The following NR2C2 variants were observed in gnomAD, a reference collection of about 807,000 sequenced individuals.
NR2C2 encodes nuclear receptor subfamily 2 group C member 2.
Under a neutral mutation model 62.9 loss-of-function variants are expected in NR2C2, and 6 were observed. The ratio of observed to expected loss-of-function variants is 0.10; its 90% confidence interval spans 0.05 to 0.19. The LOEUF is 0.19. NR2C2 is among the 10% of genes least tolerant of loss of function. The pLI, the probability that NR2C2 is intolerant of heterozygous loss-of-function variation, is 1.00. For missense variants in NR2C2, 479 were observed against 762.7 expected, an observed-to-expected ratio of 0.63 and a Z score of 4.38; for synonymous variants, 272 against 273.8, an observed-to-expected ratio of 0.99 and a Z score of 0.07.
chr3:14,990,184 C>G (rs947422770), intron 1 of NR2C2, among the ~76,000 whole-genome samples: 4 of 152,150 alleles, frequency 2.6e-5, no homozygotes, highest in Admixed American at 6.5e-5. Context: ...TTTCTGGGCT[C>G]TCCAGGTCTT....
intron 1 of NR2C2, chr3:14,948,583 G>C (rs2039224247): frequency 6.6e-6 from 1 of 151,824 alleles, no homozygotes; most frequent in Admixed American, 6.6e-5. Context: ...AGTGGGGCCG[G>C]GTCGGCGGGG....
chr3:15,012,219 A>C (rs2041375154), intron 2 of NR2C2, among the ~76,000 whole-genome samples: 1 of 150,736 alleles, frequency 6.6e-6, no homozygotes. Context: ...CTCAACCTTG[A>C]AGTTCCATTT....
At chr3:15,017,820 C>T (rs1227485936) in intron 4 of NR2C2, among the ~76,000 whole-genome samples, 1 of 152,212 alleles carries the variant, frequency 6.6e-6, no homozygotes, top group Non-Finnish European at 1.5e-5. Flanking sequence ...GTGGGATTCT[C>T]TGTAGCCACC....
intron 5 of NR2C2, among the ~76,000 whole-genome samples, chr3:15,021,847 C>T (rs750087113): frequency 6.6e-6 from 1 of 152,188 alleles, no homozygotes; most frequent in African/African-American, 2.4e-5. Flanking sequence ...ACAAAATTCA[C>T]TGGAGAATAA....
rs371981775 is a variant in NR2C2 at position 15,002,645 on chromosome 3, C to CTTTTTT, written c.-39-1206_-39-1201dup. ...TTTTTTGTGAAGTGTTCACAATATA[C>CTTTTTT]TTTTTTTTTTTTTTTTTTTTTTTTT... On this transcript the variant is annotated intron_variant, in intron 1 of 13. Transcript: ENST00000425241. 1.3e-3 allele frequency among the ~76,000 whole-genome samples: 51 copies of CTTTTTT among 39,506 alleles called. 13 individuals carry two copies. The highest frequency in any genetic ancestry group is 3.0e-3 in the African/African-American group (35 of 11,630). The allele number at this position is 39,506 out of a possible 152,430, so 25.9% of individuals were successfully genotyped here. A position where few individuals can be genotyped will look rare whatever the true frequency, so the allele number is the denominator to read the frequency against.
intron 1 of NR2C2, chr3:14,948,737 C>T (rs2039236892): frequency 6.6e-6 from 1 of 152,254 alleles, no homozygotes. Flanking sequence ...GGTGATGAAG[C>T]ATTTCGAGTC....
intron 12 of NR2C2, chr3:15,038,816 T>G: frequency 3.9e-6 from 1 of 254,832 alleles, no homozygotes; most frequent in Non-Finnish European, 7.5e-6. Flanking sequence ...TGTAATTTTA[T>G]GTGATAGTTT....
chr3:15,012,972 TGTC>T (rs2041396520), intron 2 of NR2C2, among the ~76,000 whole-genome samples: 1 of 152,140 alleles, frequency 6.6e-6, no homozygotes, highest in Non-Finnish European at 1.5e-5. Flanking sequence ...GATCTTTTAT[TGTC>T]GTCTCTCTAT....
intron 13 of NR2C2, among the ~76,000 whole-genome samples, chr3:15,041,459 A>G (rs1212953303): frequency 6.6e-6 from 1 of 152,242 alleles, no homozygotes; most frequent in East Asian, 1.9e-4. Context: ...CTACCTGCAT[A>G]GTATGAATAC....
At chr3:14,977,863 G>A (rs2040250957) in intron 1 of NR2C2, among the ~76,000 whole-genome samples, 1 of 151,372 alleles carries the variant, frequency 6.6e-6, no homozygotes, top group African/African-American at 2.4e-5. Flanking sequence ...TACTCAGAAG[G>A]CTGAGGCACA....
chr3:15,022,492 C>T (rs778771113), intron 5 of NR2C2, among the ~76,000 whole-genome samples: 3 of 150,476 alleles, frequency 2.0e-5, no homozygotes, highest in Middle Eastern at 3.2e-3. Context: ...GCAGCCTCCG[C>T]CTCCCAGGTT....
At chr3:14,967,107 T>C (rs1424249869) in intron 1 of NR2C2, among the ~76,000 whole-genome samples, 2 of 152,180 alleles carry the variant, frequency 1.3e-5, no homozygotes, top group African/African-American at 4.8e-5. Flanking sequence ...TTTTGGGACT[T>C]TGTTCATTTC....
chr3:15,045,162 G>A lies in NR2C2; in HGVS notation c.*2154G>A, dbSNP rs571008042. The A allele has an allele frequency of 6.6e-6, 1 of 152,204 alleles. No individual in the cohort carries two copies. Among genetic ancestry groups the A allele is most frequent in the Non-Finnish European group, 1.5e-5 (1 of 68,056 alleles). 9.4% of individuals were successfully genotyped at this position (152,204 alleles called of 1,614,324 possible). On this transcript the variant is annotated 3_prime_UTR_variant, in exon 14 of 14. Coordinates refer to ENST00000425241, the MANE Select transcript of NR2C2 (RefSeq NM_001291694.2). ...TTAGTAGCAGGCATCCTGCAGCTCA[G>A]TGGTGCCTCTAACACAGATTGTTGC...
intron 1 of NR2C2, among the ~76,000 whole-genome samples, chr3:14,958,507 T>G (rs569633134): frequency 6.6e-6 from 1 of 152,206 alleles, no homozygotes; most frequent in Middle Eastern, 3.4e-3. Context: ...CAAGAGCGAG[T>G]TTAGTGTTCT....
intron 1 of NR2C2, among the ~76,000 whole-genome samples, chr3:14,972,100 G>A (rs375429863): frequency 1.9e-4 from 29 of 148,786 alleles, no homozygotes; most frequent in African/African-American, 6.7e-4. Flanking sequence ...ATGAGCCACC[G>A]TGCCCAGCCA....
At chr3:15,029,361 CTG>C (rs1254296961) in intron 8 of NR2C2, among the ~76,000 whole-genome samples, 3 of 152,044 alleles carry the variant, frequency 2.0e-5, no homozygotes, top group African/African-American at 4.8e-5. Context: ...ATGCCGATAA[CTG>C]CTACTAAGGA....
chr3:15,019,684 A>C (rs779432657), intron 4 of NR2C2, among the ~76,000 whole-genome samples: 8 of 152,154 alleles, frequency 5.3e-5, no homozygotes, highest in Non-Finnish European at 1.0e-4. Context: ...GATCTCACTC[A>C]TGTGGAATCC....
chr3:15,000,188 G>T (rs1187399176), intron 1 of NR2C2, among the ~76,000 whole-genome samples: 1 of 151,924 alleles, frequency 6.6e-6, no homozygotes, highest in African/African-American at 2.4e-5. Flanking sequence ...CTGCCCCTCA[G>T]CCTCTGTTAA....
intron 1 of NR2C2, among the ~76,000 whole-genome samples, chr3:14,982,572 A>G (rs775819862): frequency 2.2e-4 from 34 of 152,260 alleles, no homozygotes; most frequent in Non-Finnish European, 2.6e-4. Context: ...TTTATGTTCT[A>G]TGATGCTATT....
Sources: gnomAD v4.1 joint callset for allele counts (sites outside exome capture counted in the v4.1 genomes callset) on GRCh38, gnomAD v4.1.1 for gene constraint, MANE v1.5 for transcripts, NCBI Gene and HGNC (gene_info 2026-07-23, HGNC 2026-07-21) for gene names.